Variants in CEP89 observed in about 807,000 individuals in gnomAD.
CEP89 encodes centrosomal protein of 89 kDa.
In CEP89, 95 loss-of-function variants were observed where a neutral mutation model predicts 97.6. The ratio of observed to expected loss-of-function variants is 0.97; its 90% CI spans 0.82 to 1.15. CEP89 has a LOEUF of 1.15. Among genes scored for constraint, CEP89 ranks in the 50% most tolerant of loss-of-function variants. CEP89 has a pLI of 0.00. For missense variants in CEP89, 869 were observed against 947.7 expected (o/e 0.92, Z 1.09); for synonymous variants, 354 against 349.1 (o/e 1.01, Z -0.16).
At chr19:32,932,730 G>T (rs945361377) in intron 8 of CEP89, among the ~76,000 whole-genome samples, 1 of 151,846 alleles carries the variant, frequency 6.6e-6, no homozygotes, top group African/African-American at 2.4e-5. Flanking sequence ...CTTGAGGCCA[G>T]GAGTTTGAGA....
intron 2 of CEP89, among the ~76,000 whole-genome samples, chr19:32,960,605 C>T (rs576351872): frequency 8.6e-5 from 13 of 151,966 alleles, no homozygotes; most frequent in African/African-American, 2.9e-4. Flanking sequence ...GTCAGGAGAT[C>T]GAGACCAGCC....
At chr19:32,946,502 C>G (rs1970800846) in intron 5 of CEP89, among the ~76,000 whole-genome samples, 1 of 152,164 alleles carries the variant, frequency 6.6e-6, no homozygotes. Context: ...CATATACTCT[C>G]TAAATTGTTA....
At chr19:32,896,811 GCAAA>G (rs957798798) in intron 16 of CEP89, among the ~76,000 whole-genome samples, 39 of 149,870 alleles carry the variant, frequency 2.6e-4, no homozygotes, top group Admixed American at 1.3e-3. Context: ...ACTCTTAATA[GCAAA>G]CAAACAAACA....
rs1343774053 is a variant in CEP89 at position 32,892,161 on chromosome 19, TACATATATTTAG to T, written c.1876-4332_1876-4321del. Among the ~76,000 whole-genome samples, 15 of 144,014 alleles carry T rather than the reference TACATATATTTAG, an allele frequency of 1.0e-4. No individual in the cohort carries two copies. In the East Asian group the frequency reaches 2.8e-3, roughly 27 times the overall value. The allele number at this position is 144,014 out of a possible 152,430, so 94.5% of individuals were successfully genotyped here. ...ATTTAGACATATATATATTTAGACA[TACATATATTTAG>T]ACATATATATTTAGAATATATATTT... is the stretch of plus-strand genomic sequence containing the variant. On this transcript the variant is annotated intron_variant, in intron 16 of 18. Transcript: ENST00000305768.
At chr19:32,939,807 T>C (rs1970650958) in intron 6 of CEP89, 50 bp downstream of exon 6, 5 of 864,576 alleles carry the variant, frequency 5.8e-6, no homozygotes, top group African/African-American at 1.7e-5. Context: ...AAAATTATGA[T>C]AAAAACTCTA....
chr19:32,970,027 T>C (rs7258961), intron 1 of CEP89: 41,277 of 152,304 alleles, frequency 0.27, 5,720 homozygotes, highest in East Asian at 0.4. Flanking sequence ...CCAAATTCAT[T>C]TCTTGCTTCC....
At chr19:32,966,824 A>C (rs1456857427) in intron 1 of CEP89, among the ~76,000 whole-genome samples, 1 of 152,134 alleles carries the variant, frequency 6.6e-6, no homozygotes, top group African/African-American at 2.4e-5. Context: ...CCTGAGAAGC[A>C]AGTGATATCC....
intron 6 of CEP89, 21 bp from the exon 7 acceptor site, chr19:32,937,694 G>A: frequency 6.3e-7 from 1 of 1,587,024 alleles, no homozygotes; most frequent in East Asian, 2.2e-5. Context: ...AAGAACATAA[G>A]AGGAATAAGT....
chr19:32,962,506 A>G (rs1971191163), intron 2 of CEP89, among the ~76,000 whole-genome samples: 1 of 152,232 alleles, frequency 6.6e-6, no homozygotes, highest in Non-Finnish European at 1.5e-5. Context: ...GCCGAAAACC[A>G]TAACACTTCT....
intron 4 of CEP89, among the ~76,000 whole-genome samples, chr19:32,951,806 T>TA (rs1171568039): frequency 1.3e-5 from 2 of 152,148 alleles, no homozygotes; most frequent in East Asian, 1.9e-4. Flanking sequence ...CAGACTTGCC[T>TA]AAAAAAACAA....
chr19:32,892,388 C>T (rs1019109218), intron 16 of CEP89, among the ~76,000 whole-genome samples: 2 of 151,252 alleles, frequency 1.3e-5, no homozygotes, highest in Admixed American at 6.6e-5. Flanking sequence ...ACTGTAGCCT[C>T]TGCCTCCTGG....
At chr19:32,946,618 T>G (rs574825967) in intron 5 of CEP89, among the ~76,000 whole-genome samples, 74 of 152,306 alleles carry the variant, frequency 4.9e-4, no homozygotes, top group African/African-American at 1.7e-3. Context: ...CATAATTCCC[T>G]CATATTGTCG....
chr19:32,933,708 A>G (rs1353705348), intron 7 of CEP89, 39 bp from the exon 8 acceptor site: 1 of 1,237,156 alleles, frequency 8.1e-7, no homozygotes, highest in African/African-American at 1.5e-5. Context: ...ATGTTAATTG[A>G]TGTTGACAAT....
At chr19:32,928,982 TTC>T (rs1245300374) in intron 9 of CEP89, among the ~76,000 whole-genome samples, 1 of 152,216 alleles carries the variant, frequency 6.6e-6, no homozygotes, top group African/African-American at 2.4e-5. Context: ...GCATTACATA[TTC>T]TGTCTGGTTT....
rs145643267 is a variant in CEP89, at chr19:32,943,052, C to T, written c.596-3167G>A. 2.4e-3 allele frequency among the ~76,000 whole-genome samples: 368 copies of T among 151,860 alleles called. 1 individual carries two copies. Among genetic ancestry groups the T allele is most frequent in the African/African-American group, 8.6e-3 (357 of 41,434 alleles). ...TCTTCCTGCCTCAGCCTCCAGCTGC[C>T]GGGCTCAAGTGATCTTCCTGCCTCA... On this transcript the variant is annotated intron_variant, in intron 5 of 18. Coordinates refer to ENST00000305768, the MANE Select transcript of CEP89 (RefSeq NM_032816.5).
At chr19:32,911,774 C>T (rs921500101) in intron 14 of CEP89, among the ~76,000 whole-genome samples, 9 of 152,196 alleles carry the variant, frequency 5.9e-5, no homozygotes, top group Non-Finnish European at 8.8e-5. Context: ...TGCACTAGCT[C>T]ATTTGTTGCC....
At chr19:32,950,580 AT>A in intron 4 of CEP89, among the ~76,000 whole-genome samples, 1 of 152,216 alleles carries the variant, frequency 6.6e-6, no homozygotes, top group South Asian at 2.1e-4. Context: ...CAAAAAAAGC[AT>A]TAAGAAGATG....
chr19:32,971,731 G>T lies in CEP89; in HGVS notation c.39+105C>A, dbSNP rs569333659. 1.0e-5 allele frequency: 11 copies of T among 1,090,104 alleles called. No homozygotes were observed. In the Admixed American group the frequency reaches 2.3e-4, roughly 22 times the overall value. The allele number at this position is 1,090,104 out of a possible 1,614,324, so 67.5% of individuals were successfully genotyped here. A position where few individuals can be genotyped will look rare whatever the true frequency, so the allele number is the denominator to read the frequency against. On this transcript the variant is annotated intron_variant, in intron 1 of 18. Coordinates refer to ENST00000305768, the MANE Select transcript of CEP89 (RefSeq NM_032816.5). ...ACTGAAAACCACTTTCTCTTGTGCC[G>T]CCCCCTTGACTGGATCTCAGGCCAA...
Position 32,879,277 on chromosome 19 carries a change from T to A in CEP89, c.2237A>T (p.Gln746Leu), listed in dbSNP as rs908409519. ...GGCAACCAGAGCTCTGGGGTTGTCC[T>A]GCACGCCTGTCCTCGTGAGTGTGTC... ...LQDTLTRTGV[Q>L]DNPRALVAPS... The change falls in exon 19 of 19, where the codon CAG (glutamine) becomes CTG (leucine). Residue 746 changes from glutamine (Q) to leucine (L), a missense_variant. Physicochemically the swap from Gln to Leu is moderately radical, Grantham distance 113. Transcript: ENST00000305768. 5.6e-6 allele frequency: 9 copies of A among 1,614,138 alleles called. No homozygotes were observed. The highest frequency in any genetic ancestry group is 6.8e-6 in the Non-Finnish European group (8 of 1,180,036).
Sources: gnomAD v4.1 joint callset for allele counts (sites outside exome capture counted in the v4.1 genomes callset) on GRCh38, gnomAD v4.1.1 for gene constraint, MANE v1.5 for transcripts, NCBI Gene and HGNC (gene_info 2026-07-23, HGNC 2026-07-21) for gene names.